Variants in KDM4B observed in about 807,000 individuals in gnomAD.
KDM4B encodes lysine demethylase 4B, also known as lysine-specific demethylase 4B.
In KDM4B, 32 loss-of-function variants were observed where a neutral mutation model predicts 125.2. That is an observed-to-expected ratio of 0.26 (90% confidence interval 0.19 to 0.34). The LOEUF is 0.34. KDM4B is among the 10% of genes least tolerant of loss of function. The pLI is 1.00. For missense variants in KDM4B, 1,190 were observed against 1,577.7 expected (o/e 0.75, Z 4.16); for synonymous variants, 721 against 677.9 (o/e 1.06, Z -0.99).
At position 5,078,818 on chromosome 19, in the gene KDM4B, G is replaced by GC. The variant is rs2038202010; in HGVS notation, c.780+1349dup. On this transcript the variant is annotated intron_variant, in intron 8 of 22. Coordinates refer to ENST00000159111, the MANE Select transcript of KDM4B (RefSeq NM_015015.3). This position sits in a 1 kb window ranked among gnomAD's most constrained non-coding sequence, Gnocchi z 4.5. ...CTGCTGGCACCATGCATGGTAGCAG[G>GC]CGGGGTCCAGGCAGTACGGCTGCGC... 1 of 152,152 alleles carries GC rather than the reference G, an allele frequency of 6.6e-6. No individual in the cohort carries two copies. Among genetic ancestry groups the GC allele is most frequent in the African/African-American group, 2.4e-5 (1 of 41,440 alleles). 9.4% of individuals were successfully genotyped at this position (152,152 alleles called of 1,614,324 possible).
chr19:4,999,721 C>A (rs1251443195), intron 1 of KDM4B, among the ~76,000 whole-genome samples: 1 of 148,484 alleles, frequency 6.7e-6, no homozygotes, highest in Non-Finnish European at 1.5e-5. Context: ...ATCCACCTGT[C>A]CACCCACCCA....
Position 5,082,554 on chromosome 19 carries a change from C to T in KDM4B, c.918+50C>T, listed in dbSNP as rs768226689. ...GGTCCCAGCAGGGCGGGAGGAGGCT[C>T]TTTTTTGCCTCTGCAGCCACACGCC... is the stretch of plus-strand genomic sequence containing the variant. On this transcript the variant is annotated intron_variant, in intron 9 of 22. Coordinates refer to ENST00000159111, the MANE Select transcript of KDM4B (RefSeq NM_015015.3). The surrounding 1 kb of genome is among the most constrained non-coding windows in gnomAD (Gnocchi z 5.4). 2 of 1,526,858 alleles carry T rather than the reference C, an allele frequency of 1.3e-6. No individual in the cohort carries two copies. Among genetic ancestry groups the T allele is most frequent in the South Asian group, 1.3e-5 (1 of 77,646 alleles). 94.6% of individuals were successfully genotyped at this position (1,526,858 alleles called of 1,614,324 possible).
intron 1 of KDM4B, among the ~76,000 whole-genome samples, chr19:5,013,474 G>A (rs1275231068): frequency 6.6e-6 from 1 of 152,196 alleles, no homozygotes; most frequent in Non-Finnish European, 1.5e-5. Context: ...CATGCCTGGA[G>A]GAGAGAAGTC....
At chr19:5,029,410 A>C (rs945740401) in intron 2 of KDM4B, among the ~76,000 whole-genome samples, 16 of 152,296 alleles carry the variant, frequency 1.1e-4, no homozygotes, top group Middle Eastern at 3.4e-3. Context: ...ACAGGACTGC[A>C]TTTCAGTAAA....
intron 2 of KDM4B, among the ~76,000 whole-genome samples, chr19:5,016,664 A>G (rs1011503844): frequency 2.0e-5 from 3 of 152,198 alleles, no homozygotes; most frequent in Non-Finnish European, 4.4e-5. Flanking sequence ...CCCAGGACCC[A>G]CTACCCTGTC....
chr19:5,084,473 A>G (rs1339123956), intron 9 of KDM4B, among the ~76,000 whole-genome samples: 1 of 139,988 alleles, frequency 7.1e-6, no homozygotes, highest in African/African-American at 2.6e-5. Context: ...ATTATATATA[A>G]ATATAAATTA....
intron 1 of KDM4B, among the ~76,000 whole-genome samples, chr19:4,984,499 G>A (rs1207859829): frequency 6.6e-6 from 1 of 152,092 alleles, no homozygotes; most frequent in African/African-American, 2.4e-5. Context: ...AGGCGTGGGG[G>A]TTTCTGGGGG....
intron 5 of KDM4B, among the ~76,000 whole-genome samples, chr19:5,045,223 T>A (rs2036987793): frequency 6.6e-6 from 1 of 152,178 alleles, no homozygotes; most frequent in Non-Finnish European, 1.5e-5. Flanking sequence ...GTTGTCGGTG[T>A]TGTGCATCCT....
intron 1 of KDM4B, among the ~76,000 whole-genome samples, chr19:4,987,198 A>G (rs2034866929): frequency 6.6e-6 from 1 of 152,156 alleles, no homozygotes; most frequent in South Asian, 2.1e-4. Flanking sequence ...ACCTCAGGTG[A>G]TCTGCTCTCC....
chr19:5,111,512 TAGG>T (rs754314175), intron 10 of KDM4B: 3 of 765,086 alleles, frequency 3.9e-6, no homozygotes, highest in Middle Eastern at 4.5e-4. Flanking sequence ...GGTCCCGGCC[TAGG>T]AGGAGATCCA....
chr19:4,973,824 TAAAA>T, intron 1 of KDM4B, among the ~76,000 whole-genome samples: 1 of 132,364 alleles, frequency 7.6e-6, no homozygotes, highest in African/African-American at 2.8e-5. Context: ...CAAAGCATAT[TAAAA>T]AAAAAAAAAA....
Position 4,971,466 on chromosome 19 carries a change from C to T in KDM4B, c.-109+2236C>T, listed in dbSNP as rs898380078. ...CGTTTGTCCTATGCCCCACCCACTC[C>T]CTGATGAGCCGGGGAGGAGCCTCAG... On this transcript the variant is annotated intron_variant, in intron 1 of 22. Transcript: ENST00000159111. This position sits in a 1 kb window ranked among gnomAD's most constrained non-coding sequence, Gnocchi z 4.1. Among the ~76,000 whole-genome samples, 2 of 152,090 alleles carry T rather than the reference C, an allele frequency of 1.3e-5. No individual in the cohort carries two copies. Among genetic ancestry groups the T allele is most frequent in the African/African-American group, 4.8e-5 (2 of 41,408 alleles).
At chr19:5,074,678 A>T (rs538976086) in intron 7 of KDM4B, 38 of 152,324 alleles carry the variant, frequency 2.5e-4, no homozygotes, top group African/African-American at 8.4e-4. Flanking sequence ...AAACCCCTGT[A>T]CTTTGCAAAA....
At chr19:5,076,667 G>C (rs1168880913) in intron 7 of KDM4B, 3 of 165,836 alleles carry the variant, frequency 1.8e-5, no homozygotes, top group Non-Finnish European at 2.6e-5. Context: ...TGAGTGATGA[G>C]AGCGGCCACA....
chr19:5,037,517 G>A (rs1291920735), intron 3 of KDM4B, among the ~76,000 whole-genome samples: 1 of 152,158 alleles, frequency 6.6e-6, no homozygotes, highest in South Asian at 2.1e-4. Context: ...TGCCCCAGGC[G>A]CCTTTTGCAC....
chr19:5,150,554 C>T (rs1599284534), intron 22 of KDM4B, 104 bp downstream of exon 22: 2 of 758,102 alleles, frequency 2.6e-6, no homozygotes, highest in Non-Finnish European at 4.3e-6. Flanking sequence ...ACCACCCCCT[C>T]CTCTTGCACC....
intron 6 of KDM4B, among the ~76,000 whole-genome samples, chr19:5,064,937 T>C (rs2613762): frequency 1.3e-5 from 2 of 152,144 alleles, no homozygotes; most frequent in African/African-American, 4.8e-5. Context: ...GGCCCTGCTG[T>C]CATTGCCTGC....
intron 1 of KDM4B, among the ~76,000 whole-genome samples, chr19:4,995,671 G>A (rs979255530): frequency 1.3e-5 from 2 of 152,234 alleles, no homozygotes; most frequent in Non-Finnish European, 2.9e-5. Context: ...TCCCTTTCCT[G>A]AGAGGCACTC....
At chr19:5,047,384 C>T (rs2037059438) in intron 5 of KDM4B, 92 bp from the exon 6 acceptor site, 2 of 1,272,564 alleles carry the variant, frequency 1.6e-6, no homozygotes, top group Admixed American at 2.3e-5. Flanking sequence ...GCAGCGACCC[C>T]TGGGACTCTG....
Sources: gnomAD v4.1 joint callset for allele counts (sites outside exome capture counted in the v4.1 genomes callset) on GRCh38, gnomAD v4.1.1 for gene constraint, Gnocchi (gnomAD v3.1) non-coding constraint, MANE v1.5 for transcripts, NCBI Gene and HGNC (gene_info 2026-07-23, HGNC 2026-07-21) for gene names.